Variants in CACNA2D2 observed in about 807,000 individuals in gnomAD.
The protein encoded by CACNA2D2 is calcium voltage-gated channel auxiliary subunit alpha2delta 2.
In CACNA2D2, 48 loss-of-function variants were observed where a neutral mutation model predicts 166.4. The ratio of observed to expected loss-of-function variants is 0.29; its 90% confidence interval spans 0.23 to 0.37. The LOEUF (loss-of-function observed/expected upper bound fraction) is 0.37. CACNA2D2 is among the 10% of genes least tolerant of loss of function. CACNA2D2 has a pLI of 1.00. For synonymous variants in CACNA2D2, 561 were observed against 573.7 expected (o/e 0.98, Z 0.32); for missense variants, 1,122 against 1,433.0 (o/e 0.78, Z 3.50).
chr3:50,496,266 CCTA>C (rs1485463960), intron 1 of CACNA2D2, among the ~76,000 whole-genome samples: 1 of 152,232 alleles, frequency 6.6e-6, no homozygotes, highest in African/African-American at 2.4e-5. Context: ...CACGCACACA[CCTA>C]CTGCTGCCTA....
intron 23 of CACNA2D2, among the ~76,000 whole-genome samples, chr3:50,370,044 G>A (rs1704570798): frequency 6.6e-6 from 1 of 152,242 alleles, no homozygotes; most frequent in Non-Finnish European, 1.5e-5. Flanking sequence ...CTCCTGCCTG[G>A]TTGCCTGGGA....
rs765819129 is a variant in CACNA2D2 at position 50,365,044 on chromosome 3, G to A, written c.3208+31C>T. The A allele has an allele frequency of 1.9e-6, 3 of 1,598,156 alleles. No individual in the cohort carries two copies. The highest frequency in any genetic ancestry group is 2.6e-6 in the Non-Finnish European group (3 of 1,172,330). ...AGGGGGCGCGCGGGGCAGAGGGGGA[G>A]CGGGCGGCGGGGAGGGCGGGGGCAG... On this transcript the variant is annotated intron_variant, in intron 36 of 37. Coordinates refer to ENST00000424201, the MANE Select transcript of CACNA2D2 (RefSeq NM_006030.4). The surrounding 1 kb of genome is among the most constrained non-coding windows in gnomAD (Gnocchi z 4.5).
intron 1 of CACNA2D2, among the ~76,000 whole-genome samples, chr3:50,478,266 C>A (rs901983022): frequency 6.6e-6 from 1 of 152,192 alleles, no homozygotes; most frequent in African/African-American, 2.4e-5. Flanking sequence ...TGACAGCCTG[C>A]GTGACCCCTG....
At position 50,379,163 on chromosome 3, in the gene CACNA2D2, T is replaced by C. The variant is rs142559701; in HGVS notation, c.1189A>G (p.Met397Val). The change falls in exon 12 of 38, where the codon ATG (methionine) becomes GTG (valine). Residue 397 changes from methionine (M) to valine (V), a missense_variant. Physicochemically the swap from Met to Val is conservative, Grantham distance 21. Transcript: ENST00000424201. This position sits in a 1 kb window ranked among gnomAD's most constrained non-coding sequence, Gnocchi z 6.5. ...ITRANCNKMI[M>V]MFTDGGEDRV... is the part of the protein sequence containing the mutation. ...TCCTCACCACCATCCGTGAACATCA[T>C]GATCATCTTGTTGCAGTTGGCCCGA... 1.4e-5 allele frequency: 23 copies of C among 1,613,866 alleles called. No individual in the cohort carries two copies. The highest frequency in any genetic ancestry group is 1.9e-5 in the Non-Finnish European group (23 of 1,180,000).
intron 1 of CACNA2D2, among the ~76,000 whole-genome samples, chr3:50,478,239 A>G (rs1167146126): frequency 1.3e-5 from 2 of 152,202 alleles, no homozygotes; most frequent in Non-Finnish European, 2.9e-5. Flanking sequence ...TGGGGAGGGC[A>G]AAGGGCAGCA....
At chr3:50,470,212 T>C (rs990261398) in intron 2 of CACNA2D2, among the ~76,000 whole-genome samples, 2 of 152,194 alleles carry the variant, frequency 1.3e-5, no homozygotes, top group Non-Finnish European at 2.9e-5. Flanking sequence ...CTACCTTGTC[T>C]AGGCTGTTCT....
chr3:50,392,436 G>A (rs931474874), intron 4 of CACNA2D2, among the ~76,000 whole-genome samples: 2 of 152,170 alleles, frequency 1.3e-5, no homozygotes, highest in African/African-American at 2.4e-5. Flanking sequence ...GACACCAGTG[G>A]GACAGGCCGG....
In CACNA2D2 at chr3:50,374,804, C is replaced by T; in HGVS notation, c.1917G>A (p.Leu639=). ...AGAAGGTGCTGTAGGGTGGGAGCACCAGCCCCAGGCTGAGGGGGGAGAAGC... is the reference window on the plus strand; with the variant it reads ...AGAAGGTGCTGTAGGGTGGGAGCACTAGCCCCAGGCTGAGGGGGGAGAAGC... ...PIRSTNYSLG[L]VLPPYSTFYL... is the part of the protein sequence containing the mutation. Residue 639 remains leucine, a synonymous_variant, in exon 22 of 38, where the codon CTG becomes CTA. Transcript: ENST00000424201. 1 of 1,590,518 alleles carries T rather than the reference C, an allele frequency of 6.3e-7. No individual in the cohort carries two copies. Among genetic ancestry groups the T allele is most frequent in the Non-Finnish European group, 8.6e-7 (1 of 1,169,410 alleles).
chr3:50,460,918 G>A (rs1249176261), intron 2 of CACNA2D2, among the ~76,000 whole-genome samples: 1 of 151,934 alleles, frequency 6.6e-6, no homozygotes, highest in East Asian at 1.9e-4. Context: ...ATGGTTAAAT[G>A]TAAAATTTGA....
At chr3:50,394,717 G>A (rs1362186942) in intron 3 of CACNA2D2, among the ~76,000 whole-genome samples, 1 of 152,190 alleles carries the variant, frequency 6.6e-6, no homozygotes, top group Non-Finnish European at 1.5e-5. Flanking sequence ...TGGTTCCAGT[G>A]GCCTCTTCCA....
rs1553729622 is a variant in CACNA2D2 at position 50,378,987 on chromosome 3, C to T, written c.1267G>A (p.Val423Met). The T allele has an allele frequency of 6.2e-7, 1 of 1,613,926 alleles. No individual in the cohort carries two copies. The highest frequency in any genetic ancestry group is 8.5e-7 in the Non-Finnish European group (1 of 1,180,032). The change falls in exon 13 of 38, where the codon GTG (valine) becomes ATG (methionine). Residue 423 changes from valine to methionine, a missense_variant. Around this residue, in one of 2 missense-constraint regions of CACNA2D2, gnomAD observed 840 missense variants for 1,166.8 expected, o/e 0.72. Coordinates refer to ENST00000424201, the MANE Select transcript of CACNA2D2 (RefSeq NM_006030.4). ...KYNWPNRTVR[V>M]FTFSVGQHNY... ...TGCTGCCCCACGGAGAAAGTAAACA[C>T]GCGCACCTGTGGGGGGTTTGAGGTT...
At position 50,367,409 on chromosome 3, in the gene CACNA2D2, G is replaced by T. The variant is rs1704376806; in HGVS notation, c.2386C>A (p.Pro796Thr). ...SLDNHGYVFK[P>T]PHQDALLRPL... The stretch of plus-strand genomic sequence containing the variant: ...GGACACTCACCATCCTGGTGTGGGG[G>T]CTTGAAGACATAACCGTGGTTATCC... The change falls in exon 27 of 38, where the codon CCC (proline) becomes ACC (threonine). Residue 796 changes from proline (P) to threonine (T), a missense_variant. Coordinates refer to ENST00000424201, the MANE Select transcript of CACNA2D2 (RefSeq NM_006030.4). This position sits in a 1 kb window ranked among gnomAD's most constrained non-coding sequence, Gnocchi z 6.5. 3 of 1,613,658 alleles carry T rather than the reference G, an allele frequency of 1.9e-6. No homozygotes were observed. In the South Asian group the frequency reaches 3.3e-5, roughly 18 times the overall value.
chr3:50,403,073 G>C (rs1706522205), intron 3 of CACNA2D2, among the ~76,000 whole-genome samples: 2 of 152,156 alleles, frequency 1.3e-5, no homozygotes, highest in Admixed American at 1.3e-4. Context: ...AGGTACCCAA[G>C]TTCCTAGGGC....
intron 15 of CACNA2D2, 65 bp downstream of exon 15, chr3:50,377,931 TCCAGGGTCTTGA>T (rs1705074765): frequency 6.6e-7 from 1 of 1,514,258 alleles, no homozygotes; most frequent in Non-Finnish European, 9.1e-7. Flanking sequence ...AAGGGGGCCC[TCCAGGGTCTTGA>T]CCCTGTGGGC....
chr3:50,423,923 A>G (rs1342067588), intron 3 of CACNA2D2, among the ~76,000 whole-genome samples: 1 of 152,232 alleles, frequency 6.6e-6, no homozygotes, highest in Non-Finnish European at 1.5e-5. Context: ...TGTTCTACAC[A>G]CGGGGCGGAG....
chr3:50,486,033 C>G (rs1184591586), intron 1 of CACNA2D2, among the ~76,000 whole-genome samples: 1 of 152,008 alleles, frequency 6.6e-6, no homozygotes, highest in Non-Finnish European at 1.5e-5. Flanking sequence ...AGCACATTCC[C>G]CAGGTAGTCA....
chr3:50,406,016 CCA>C (rs985268446), intron 3 of CACNA2D2, among the ~76,000 whole-genome samples: 3 of 151,524 alleles, frequency 2.0e-5, no homozygotes, highest in African/African-American at 7.2e-5. Flanking sequence ...TTGCCCTTCC[CCA>C]CAGATTCAGA....
At chr3:50,406,283 G>C (rs942375494) in intron 3 of CACNA2D2, among the ~76,000 whole-genome samples, 2 of 151,804 alleles carry the variant, frequency 1.3e-5, no homozygotes, top group Non-Finnish European at 2.9e-5. Flanking sequence ...CTGTCAATTT[G>C]CATCTCATTA....
At chr3:50,399,633 C>T (rs1174362551) in intron 3 of CACNA2D2, among the ~76,000 whole-genome samples, 1 of 152,158 alleles carries the variant, frequency 6.6e-6, no homozygotes, top group Non-Finnish European at 1.5e-5. Context: ...AGTAGATTCT[C>T]CTGCTCCCCT....
Sources: allele counts gnomAD v4.1 joint callset (sites outside exome capture counted in the v4.1 genomes callset), GRCh38; gene constraint gnomAD v4.1.1; regional missense constraint gnomAD v4.1.1; non-coding constraint Gnocchi (gnomAD v3.1); transcripts MANE v1.5; gene names NCBI Gene and HGNC (gene_info 2026-07-23, HGNC 2026-07-21).